The following XYLT1 variants were observed in gnomAD, a reference collection of about 807,000 sequenced individuals.
XYLT1 encodes beta-D-xylosyltransferase 1.
In XYLT1, 36 loss-of-function variants were observed where a neutral mutation model predicts 91.3. That is an observed-to-expected ratio of 0.39 (90% CI 0.30 to 0.52). The LOEUF (loss-of-function observed/expected upper bound fraction) is 0.52, where lower values mean the gene tolerates loss of function less well. XYLT1 is among the 20% of genes least tolerant of loss of function. XYLT1 has a pLI of 0.68. For synonymous variants in XYLT1, 588 were observed against 532.0 expected, an observed-to-expected ratio of 1.11 and a Z score of -1.45; for missense variants, 1,242 against 1,284.5, an observed-to-expected ratio of 0.97 and a Z score of 0.51.
chr16:17,303,052 G>A (rs903008589), intron 2 of XYLT1, among the ~76,000 whole-genome samples: 5 of 150,832 alleles, frequency 3.3e-5, no homozygotes, highest in African/African-American at 1.2e-4. Context: ...AGCTTCAGTC[G>A]TGATGGATCT....
intron 1 of XYLT1, among the ~76,000 whole-genome samples, chr16:17,418,991 T>C (rs1047282359): frequency 6.6e-6 from 1 of 151,986 alleles, no homozygotes; most frequent in African/African-American, 2.4e-5. Flanking sequence ...TGTGTTCCAA[T>C]AAAGCTTTAT....
At chr16:17,129,072 GAAAAA>G (rs34234422) in intron 9 of XYLT1, among the ~76,000 whole-genome samples, 3 of 95,216 alleles carry the variant, frequency 3.2e-5, no homozygotes, top group African/African-American at 4.4e-5. Flanking sequence ...AGGGAGCATA[GAAAAA>G]AAAAAAAAAA....
At chr16:17,135,794 GTAAATATTTAAAATAGCTTTGAAACCTTC>G (rs1444950382) in intron 8 of XYLT1, among the ~76,000 whole-genome samples, 1 of 152,212 alleles carries the variant, frequency 6.6e-6, no homozygotes, top group Non-Finnish European at 1.5e-5. Flanking sequence ...AGGCCAGACA[GTAAATATTTAAAATAGCTTTGAAACCTTC>G]AGCTTCGCTT....
intron 3 of XYLT1, among the ~76,000 whole-genome samples, chr16:17,207,876 G>T (rs1676778236): frequency 6.6e-6 from 1 of 152,146 alleles, no homozygotes; most frequent in South Asian, 2.1e-4. Flanking sequence ...CAAGGATGAA[G>T]GTGGCCAAGC....
At chr16:17,236,955 G>T (rs2033259167) in intron 3 of XYLT1, among the ~76,000 whole-genome samples, 2 of 152,240 alleles carry the variant, frequency 1.3e-5, no homozygotes, top group South Asian at 4.2e-4. Flanking sequence ...AACCTATTTT[G>T]GGGGATACAA....
chr16:17,369,063 A>C (rs1005037007), intron 1 of XYLT1, among the ~76,000 whole-genome samples: 2 of 151,098 alleles, frequency 1.3e-5, no homozygotes, highest in Non-Finnish European at 3.0e-5. Context: ...AAAAAAAAAA[A>C]GAAAAAAAGG....
chr16:17,128,747 G>T (rs557106879), intron 9 of XYLT1, among the ~76,000 whole-genome samples: 50 of 152,342 alleles, frequency 3.3e-4, no homozygotes, highest in African/African-American at 1.1e-3. Flanking sequence ...GTGAAGCAGA[G>T]ATGTCCGGAG....
intron 1 of XYLT1, among the ~76,000 whole-genome samples, chr16:17,374,163 T>C (rs2141877165): frequency 6.6e-6 from 1 of 152,258 alleles, no homozygotes; most frequent in East Asian, 1.9e-4. Context: ...AGGAGAAGCA[T>C]GAATAAAGGC....
At chr16:17,236,770 C>A (rs573468170) in intron 3 of XYLT1, among the ~76,000 whole-genome samples, 16 of 152,278 alleles carry the variant, frequency 1.1e-4, no homozygotes, top group South Asian at 4.1e-4. Context: ...GTCCATGTTC[C>A]CTTGGCATTC....
chr16:17,194,846 G>A (rs904257599), intron 5 of XYLT1, among the ~76,000 whole-genome samples: 2 of 152,228 alleles, frequency 1.3e-5, no homozygotes, highest in African/African-American at 4.8e-5. Flanking sequence ...GTTGAAACAA[G>A]TGTCTGCCAC....
At chr16:17,169,838 C>T (rs1393983593) in intron 5 of XYLT1, among the ~76,000 whole-genome samples, 1 of 152,122 alleles carries the variant, frequency 6.6e-6, no homozygotes, top group African/African-American at 2.4e-5. Context: ...TGATTACAGC[C>T]AGTTATTTGA....
chr16:17,279,118 T>C (rs1375067952), intron 2 of XYLT1, among the ~76,000 whole-genome samples: 1 of 152,210 alleles, frequency 6.6e-6, no homozygotes, highest in Non-Finnish European at 1.5e-5. Context: ...TTCCTGTGCC[T>C]TTTTAAATTT....
At chr16:17,348,130 G>C (rs1207552730) in intron 2 of XYLT1, among the ~76,000 whole-genome samples, 1 of 152,174 alleles carries the variant, frequency 6.6e-6, no homozygotes, top group Non-Finnish European at 1.5e-5. Context: ...AGAAAGGAGA[G>C]GGGTGGAGAG....
chr16:17,211,952 G>A (rs942294921), intron 3 of XYLT1, among the ~76,000 whole-genome samples: 1 of 152,196 alleles, frequency 6.6e-6, no homozygotes, highest in African/African-American at 2.4e-5. Flanking sequence ...GGTGCCAGTA[G>A]CACTCACCTA....
At chr16:17,464,272 T>C (rs959710913) in intron 1 of XYLT1, among the ~76,000 whole-genome samples, 1 of 152,128 alleles carries the variant, frequency 6.6e-6, no homozygotes, top group African/African-American at 2.4e-5. Context: ...GCAGATCACC[T>C]GAGGCCAGGA....
chr16:17,278,198 G>C (rs1343834458), intron 2 of XYLT1, among the ~76,000 whole-genome samples: 1 of 152,152 alleles, frequency 6.6e-6, no homozygotes, highest in Non-Finnish European at 1.5e-5. Context: ...GCTGGATTCA[G>C]ACACCGAACT....
intron 1 of XYLT1, among the ~76,000 whole-genome samples, chr16:17,452,305 C>CTTT (rs35177574): frequency 8.4e-5 from 11 of 131,672 alleles, no homozygotes; most frequent in South Asian, 2.4e-4. Flanking sequence ...CAGTTTTTTT[C>CTTT]TTTTTTTTTT....
intron 2 of XYLT1, among the ~76,000 whole-genome samples, chr16:17,306,248 T>G (rs994725620): frequency 6.6e-6 from 1 of 151,908 alleles, no homozygotes; most frequent in African/African-American, 2.4e-5. Context: ...AACAAGAGAA[T>G]AGGAGCGAGA....
At chr16:17,236,116 T>A (rs975993382) in intron 3 of XYLT1, among the ~76,000 whole-genome samples, 1 of 152,224 alleles carries the variant, frequency 6.6e-6, no homozygotes, top group Non-Finnish European at 1.5e-5. Context: ...CAGATCAGCA[T>A]GGCCATGTGT....
Sources: gnomAD v4.1 joint callset for allele counts (sites outside exome capture counted in the v4.1 genomes callset) on GRCh38, gnomAD v4.1.1 for gene constraint, MANE v1.5 for transcripts, NCBI Gene and HGNC (gene_info 2026-07-23, HGNC 2026-07-21) for gene names.